Variants in ZNF727 observed in about 807,000 individuals in gnomAD.
ZNF727 encodes the protein putative zinc finger protein 727.
ZNF727 carries 11 observed loss-of-function variants against 11.5 expected under a neutral mutation model. The ratio of observed to expected loss-of-function variants is 0.95; its 90% CI spans 0.60 to 1.58. ZNF727 has a LOEUF of 1.58. Ranked by LOEUF, ZNF727 falls within the 40% of genes most tolerant of loss-of-function variation. The pLI is 0.00. For synonymous variants in ZNF727, 171 were observed against 196.1 expected (o/e 0.87, Z 1.07); for missense variants, 533 against 581.7 (o/e 0.92, Z 0.86).
In ZNF727 at chr7:64,077,708, G is replaced by C; in HGVS notation, c.659G>C (p.Arg220Thr). Residue 220 changes from arginine (R) to threonine (T), a missense_variant, in exon 4 of 4, where the codon AGA becomes ACA. This residue lies in a region of ZNF727 where 463 missense variants were observed against 494.5 expected (regional missense o/e 0.94). Transcript: ENST00000456806. ...TTCTCAAACCTTACTGAACATAATA[G>C]AGTTCATACTGGAAAGAAACCCTAC... is the stretch of plus-strand genomic sequence containing the variant. ...KKFSNLTEHN[R>T]VHTGKKPYKC... The C allele has an allele frequency of 2.5e-6, 4 of 1,577,844 alleles. No homozygotes were observed. Among genetic ancestry groups the C allele is most frequent in the Non-Finnish European group, 3.4e-6 (4 of 1,161,312 alleles).
chr7:64,078,602 G>A lies in ZNF727; in HGVS notation c.*53G>A, dbSNP rs992042274. ...GTAATGAATGTGGAAAAGCTTTTAC[G>A]TGGATCTTGGCCCTTAGTAAACACA... On this transcript the variant is annotated 3_prime_UTR_variant, in exon 4 of 4. Coordinates refer to ENST00000456806, the MANE Select transcript of ZNF727 (RefSeq NM_001159522.3). 2.1e-5 allele frequency: 32 copies of A among 1,523,168 alleles called. No individual in the cohort carries two copies. Among genetic ancestry groups the A allele is most frequent in the Middle Eastern group, 1.7e-4 (1 of 5,812 alleles). 94.4% of individuals were successfully genotyped at this position (1,523,168 alleles called of 1,614,324 possible).
intron 1 of ZNF727, among the ~76,000 whole-genome samples, chr7:64,046,137 C>T (rs1789501666): frequency 6.6e-6 from 1 of 152,168 alleles, no homozygotes. Context: ...CACCCCAGCT[C>T]CCCAAGTAGC....
At chr7:64,071,535 C>T (rs1313962592) in intron 3 of ZNF727, among the ~76,000 whole-genome samples, 1 of 151,740 alleles carries the variant, frequency 6.6e-6, no homozygotes, top group East Asian at 1.9e-4. Context: ...TGATACTAAC[C>T]ACTTATCGGA....
At position 64,079,784 on chromosome 7, in the gene ZNF727, G is replaced by A. The variant is rs185462638; in HGVS notation, c.*1235G>A. Reference sequence around the variant, plus strand: ...GGTTTGTGTACTTTAGTGTGTTTTTGTAGTGACTGTTTATAGTCTTTTTCT... The same window carrying A: ...GGTTTGTGTACTTTAGTGTGTTTTTATAGTGACTGTTTATAGTCTTTTTCT... On this transcript the variant is annotated 3_prime_UTR_variant, in exon 4 of 4. Coordinates refer to ENST00000456806, the MANE Select transcript of ZNF727 (RefSeq NM_001159522.3). Among the ~76,000 whole-genome samples the A allele has an allele frequency of 6.6e-6, 1 of 152,228 alleles. No individual in the cohort carries two copies. Among genetic ancestry groups the A allele is most frequent in the East Asian group, 1.9e-4 (1 of 5,182 alleles).
chr7:64,081,073 G>C lies in ZNF727; in HGVS notation c.*2524G>C, dbSNP rs542231433. ...GAGTCTGCCACTCTGTGGGACTAAG[G>C]TGCCACAGCTGCTGCAGAGTGCTAG... On this transcript the variant is annotated 3_prime_UTR_variant, in exon 4 of 4. Transcript: ENST00000456806. 6.6e-6 allele frequency among the ~76,000 whole-genome samples: 1 copy of C among 151,988 alleles called. No homozygotes were observed. The highest frequency in any genetic ancestry group is 1.5e-5 in the Non-Finnish European group (1 of 68,010).
intron 1 of ZNF727, among the ~76,000 whole-genome samples, chr7:64,064,134 G>A (rs1789825665): frequency 6.6e-6 from 1 of 152,104 alleles, no homozygotes; most frequent in African/African-American, 2.4e-5. Flanking sequence ...CTATGACTGA[G>A]CTGGTAATCA....
rs529954593 is a variant in ZNF727, at chr7:64,045,598, G to A, written c.-24G>A. On this transcript the variant is annotated 5_prime_UTR_variant, in exon 1 of 4. Coordinates refer to ENST00000456806, the MANE Select transcript of ZNF727 (RefSeq NM_001159522.3). ...GTACTGGGAGATCCATAGGGAAGAA[G>A]GCGGAACATCCGGAGGCTGGGAAAT... 1.3e-6 allele frequency: 2 copies of A among 1,555,478 alleles called. No individual in the cohort carries two copies. Among genetic ancestry groups the A allele is most frequent in the Admixed American group, 3.9e-5 (2 of 51,422 alleles).
At chr7:64,054,407 A>C (rs888328175) in intron 1 of ZNF727, among the ~76,000 whole-genome samples, 1 of 152,166 alleles carries the variant, frequency 6.6e-6, no homozygotes, top group African/African-American at 2.4e-5. Flanking sequence ...GGCTCCCTAC[A>C]GGCACATAGA....
intron 1 of ZNF727, among the ~76,000 whole-genome samples, chr7:64,058,528 A>G (rs1789720841): frequency 1.3e-5 from 2 of 152,056 alleles, no homozygotes; most frequent in Admixed American, 1.3e-4. Flanking sequence ...GCATCCACTC[A>G]ACTGGGCTTC....
intron 1 of ZNF727, among the ~76,000 whole-genome samples, chr7:64,055,045 A>C (rs1295599758): frequency 6.6e-6 from 1 of 152,064 alleles, no homozygotes; most frequent in Non-Finnish European, 1.5e-5. Flanking sequence ...CTAAATTTTC[A>C]CTGGTTTTCT....
intron 1 of ZNF727, among the ~76,000 whole-genome samples, chr7:64,064,301 C>T (rs536497951): frequency 2.0e-5 from 3 of 152,054 alleles, no homozygotes; most frequent in Admixed American, 1.3e-4. Flanking sequence ...TATTCAAGGT[C>T]GAAGGTGATG....
In ZNF727 at chr7:64,055,484, T is replaced by C. The variant is rs968114072; in HGVS notation, c.3+9860T>C. Among the ~76,000 whole-genome samples, 14 of 152,214 alleles carry C rather than the reference T, an allele frequency of 9.2e-5. No individual in the cohort carries two copies. In the East Asian group the frequency reaches 1.4e-3, roughly 15 times the overall value. On this transcript the variant is annotated intron_variant, in intron 1 of 3. Coordinates refer to ENST00000456806, the MANE Select transcript of ZNF727 (RefSeq NM_001159522.3). Reference sequence around the variant, plus strand: ...CACTGTTTTGCAACCATAACCACCATTGATGTTCATAATTCTTTTTGTCTT... The same window carrying C: ...CACTGTTTTGCAACCATAACCACCACTGATGTTCATAATTCTTTTTGTCTT...
At chr7:64,061,570 T>G (rs1199283323) in intron 1 of ZNF727, among the ~76,000 whole-genome samples, 1 of 151,922 alleles carries the variant, frequency 6.6e-6, no homozygotes, top group African/African-American at 2.4e-5. Flanking sequence ...GTGTCTTTAT[T>G]GGTGAAGTAT....
At position 64,080,902 on chromosome 7, in the gene ZNF727, T is replaced by G. The variant is rs1263674276; in HGVS notation, c.*2353T>G. 6.6e-6 allele frequency among the ~76,000 whole-genome samples: 1 copy of G among 151,886 alleles called. No individual in the cohort carries two copies. Among genetic ancestry groups the G allele is most frequent in the Non-Finnish European group, 1.5e-5 (1 of 67,966 alleles). On this transcript the variant is annotated 3_prime_UTR_variant, in exon 4 of 4. Transcript: ENST00000456806. ...TTGTTTTTTGTTTTTGTTTTTTTTT[T>G]TGTGGTGGTGGAGGGGGCAATGCTC... is the stretch of plus-strand genomic sequence containing the variant.
At chr7:64,049,190 A>G (rs1367632497) in intron 1 of ZNF727, among the ~76,000 whole-genome samples, 9 of 151,938 alleles carry the variant, frequency 5.9e-5, no homozygotes, top group African/African-American at 2.2e-4. Context: ...AGATGTATTC[A>G]GTCTCAGTCA....
At position 64,077,846 on chromosome 7, in the gene ZNF727, G is replaced by C. The variant is rs1488424323; in HGVS notation, c.797G>C (p.Arg266Thr). ...YKCEECHKAF[R>T]CCSDLTKHKR... ...TGCGAAGAATGTCACAAAGCCTTTA[G>C]GTGTTGCTCAGACCTTACTAAACAT... Residue 266 changes from arginine to threonine, a missense_variant, in exon 4 of 4, where the codon AGG becomes ACG. By Grantham distance (71) the Arg-to-Thr change is moderately conservative. Around this residue, in one of 3 missense-constraint regions of ZNF727, gnomAD observed 463 missense variants for 494.5 expected, o/e 0.94. Transcript: ENST00000456806. The C allele has an allele frequency of 1.3e-5, 20 of 1,564,000 alleles. No individual in the cohort carries two copies. The highest frequency in any genetic ancestry group is 1.7e-5 in the Non-Finnish European group (20 of 1,154,132).
At chr7:64,076,396 A>G (rs371707037) in intron 3 of ZNF727, among the ~76,000 whole-genome samples, 11 of 152,252 alleles carry the variant, frequency 7.2e-5, no homozygotes, top group African/African-American at 2.4e-4. Flanking sequence ...GGATCACCCA[A>G]GGTCAGAAGT....
At position 64,077,632 on chromosome 7, in the gene ZNF727, A is replaced by G; in HGVS notation, c.583A>G (p.Thr195Ala). 1.3e-6 allele frequency: 2 copies of G among 1,552,722 alleles called. No homozygotes were observed. The highest frequency in any genetic ancestry group is 1.7e-6 in the Non-Finnish European group (2 of 1,147,648). Residue 195 changes from threonine (T) to alanine (A), a missense_variant, in exon 4 of 4, where the codon ACT (threonine) becomes GCT (alanine). Thr to Ala is a moderately conservative substitution (Grantham distance 58). Around this residue, in one of 3 missense-constraint regions of ZNF727, gnomAD observed 463 missense variants for 494.5 expected, o/e 0.94. Transcript: ENST00000456806. ...TTTTACCATACAGAAGAGAATTCAT[A>G]CTGCAGATAGAAGTTACAAATGTGA... ...SDFTIQKRIH[T>A]ADRSYKCEEC... is the part of the protein sequence containing the mutation.
rs771343738 is a variant in ZNF727, at chr7:64,077,886, T to A, written c.837T>A (p.Thr279=). The A allele has an allele frequency of 3.2e-5, 51 of 1,578,392 alleles. No individual in the cohort carries two copies. The highest frequency in any genetic ancestry group is 4.0e-5 in the Non-Finnish European group (47 of 1,161,516). ...TTACTAAACATAAGAGAATTCATACTGGAGAGAAACCCTACAAATGTAAAG... is the reference window on the plus strand; with the variant it reads ...TTACTAAACATAAGAGAATTCATACAGGAGAGAAACCCTACAAATGTAAAG... ...SDLTKHKRIH[T]GEKPYKCKEC... The change falls in exon 4 of 4, where the codon ACT becomes ACA. Residue 279 remains threonine (T), a synonymous_variant. Coordinates refer to ENST00000456806, the MANE Select transcript of ZNF727 (RefSeq NM_001159522.3).
Sources: gnomAD v4.1 joint callset for allele counts (sites outside exome capture counted in the v4.1 genomes callset) on GRCh38, gnomAD v4.1.1 for gene constraint, gnomAD v4.1.1 regional missense constraint, MANE v1.5 for transcripts, NCBI Gene and HGNC (gene_info 2026-07-23, HGNC 2026-07-21) for gene names.